FSTL4: variants seen among roughly 807,000 people sequenced by gnomAD.
The protein encoded by FSTL4 is follistatin like 4.
A neutral mutation model predicts 78.2 loss-of-function variants in FSTL4; 28 were observed. The ratio of observed to expected loss-of-function variants is 0.36; its 90% CI spans 0.27 to 0.49. The LOEUF (loss-of-function observed/expected upper bound fraction) is 0.49, where lower values mean the gene tolerates loss of function less well. Among genes scored for constraint, FSTL4 ranks in the 20% least tolerant of loss-of-function variants. The pLI is 0.98. For synonymous variants in FSTL4, 422 were observed against 440.5 expected, an observed-to-expected ratio of 0.96 and a Z score of 0.53; for missense variants, 922 against 1,084.9, an observed-to-expected ratio of 0.85 and a Z score of 2.11.
chr5:133,268,306 G>A (rs533908062), intron 6 of FSTL4, among the ~76,000 whole-genome samples: 2 of 152,246 alleles, frequency 1.3e-5, no homozygotes, highest in East Asian at 3.9e-4. Context: ...CTTTGGGTCC[G>A]GTCAACTTTG....
intron 3 of FSTL4, among the ~76,000 whole-genome samples, chr5:133,511,122 G>T (rs1380466327): frequency 6.6e-6 from 1 of 152,228 alleles, no homozygotes. Flanking sequence ...GCCTTCAAGG[G>T]CACCCCAAGC....
chr5:133,496,348 G>T (rs911611598), intron 3 of FSTL4, among the ~76,000 whole-genome samples: 4 of 152,176 alleles, frequency 2.6e-5, no homozygotes, highest in South Asian at 2.1e-4. Context: ...GCCCAATTCC[G>T]TGGTCTGACA....
the FSTL4 span, among the ~76,000 whole-genome samples, chr5:133,799,070 G>A: frequency 7.8e-6 from 1 of 128,754 alleles, no homozygotes; most frequent in Non-Finnish European, 1.7e-5. Context: ...GAGGTGGGGA[G>A]GAAAGGAAAG....
chr5:133,464,453 G>GCT (rs1310172172), intron 3 of FSTL4, among the ~76,000 whole-genome samples: 7 of 152,166 alleles, frequency 4.6e-5, no homozygotes, highest in African/African-American at 1.7e-4. Flanking sequence ...TTGTTCAAGG[G>GCT]ATATCTCTCT....
In FSTL4 at chr5:133,453,055, A is replaced by AAATG. The variant is rs542421324; in HGVS notation, c.161-52073_161-52070dup. On this transcript the variant is annotated intron_variant, in intron 3 of 15. Transcript: ENST00000265342. ...AATGCCTGTGCACATACAGGCTCAA[A>AAATG]AATGAATGAATGAATGAATGAATGA... 6.5e-4 allele frequency among the ~76,000 whole-genome samples: 99 copies of AAATG among 152,286 alleles called. No individual in the cohort carries two copies. The East Asian group carries it at 0.011, about 17-fold the overall frequency.
chr5:133,237,472 G>T (rs1751696305), intron 7 of FSTL4, among the ~76,000 whole-genome samples: 1 of 152,192 alleles, frequency 6.6e-6, no homozygotes, highest in Non-Finnish European at 1.5e-5. Context: ...AGGGGTGTGT[G>T]TGTCAGCCCT....
chr5:133,630,225 C>T, the FSTL4 span, among the ~76,000 whole-genome samples: 1 of 152,280 alleles, frequency 6.6e-6, no homozygotes, highest in African/African-American at 2.4e-5. Flanking sequence ...TTGCAGATGA[C>T]ATGATTGTAT....
At chr5:133,697,331 G>A in the FSTL4 span, among the ~76,000 whole-genome samples, 34 of 152,004 alleles carry the variant, frequency 2.2e-4, no homozygotes, top group African/African-American at 4.8e-4. Flanking sequence ...CCAATTCAGC[G>A]CCCACTCTCC....
At chr5:133,685,045 G>A in the FSTL4 span, among the ~76,000 whole-genome samples, 117 of 152,250 alleles carry the variant, frequency 7.7e-4, no homozygotes, top group African/African-American at 2.6e-3. Flanking sequence ...TGGTAGCATC[G>A]AACTCTAGAC....
chr5:133,274,376 T>A (rs939656123), intron 6 of FSTL4, among the ~76,000 whole-genome samples: 1 of 134,970 alleles, frequency 7.4e-6, no homozygotes, highest in Admixed American at 8.1e-5. Flanking sequence ...AAGGGCAATC[T>A]GTGCTTTTTT....
the FSTL4 span, among the ~76,000 whole-genome samples, chr5:133,661,001 G>T: frequency 9.0e-4 from 136 of 151,954 alleles, 3 homozygotes; most frequent in South Asian, 0.027. Flanking sequence ...TTTTACTTTT[G>T]TTTTTTTGAG....
At chr5:133,257,931 A>G (rs913002488) in intron 6 of FSTL4, among the ~76,000 whole-genome samples, 1 of 152,248 alleles carries the variant, frequency 6.6e-6, no homozygotes, top group Non-Finnish European at 1.5e-5. Context: ...AAAAGAATGT[A>G]TTACCTTATG....
intron 4 of FSTL4, among the ~76,000 whole-genome samples, chr5:133,372,245 C>CTATGTATCTATGTATCTATGTATG (rs757202475): frequency 7.1e-5 from 10 of 140,220 alleles, no homozygotes; most frequent in Admixed American, 3.6e-4. Flanking sequence ...ATCTATGTAT[C>CTATGTATCTATGTATCTATGTATG]TATGTATGTA....
At chr5:133,758,016 A>C in the FSTL4 span, among the ~76,000 whole-genome samples, 1 of 152,218 alleles carries the variant, frequency 6.6e-6, no homozygotes, top group African/African-American at 2.4e-5. Context: ...CAGTTTGGTT[A>C]CTTTGAGTCA....
chr5:133,210,204 C>G lies in FSTL4; in HGVS notation c.1703G>C (p.Arg568Pro). ...TGCTCAACATACCTGGAGACTTGGT[C>G]GGGACTTGTGCACGTCCCCCCAGCT... Reference protein sequence around the residue: ...VLSWGDVHKSRPSLQVITEAS... With the variant: ...VLSWGDVHKSPPSLQVITEAS... The change falls in exon 14 of 16, where the codon CGA becomes CCA. Residue 568 changes from arginine to proline, a missense_variant. By Grantham distance (103) the Arg-to-Pro change is moderately radical (BLOSUM62 -2). Transcript: ENST00000265342. 6.3e-7 allele frequency: 1 copy of G among 1,590,860 alleles called. No homozygotes were observed. Among genetic ancestry groups the G allele is most frequent in the Non-Finnish European group, 8.6e-7 (1 of 1,158,960 alleles).
chr5:133,349,976 C>T (rs1263728289), intron 4 of FSTL4, among the ~76,000 whole-genome samples: 27 of 113,556 alleles, frequency 2.4e-4, no homozygotes, highest in African/African-American at 5.9e-4. Flanking sequence ...GGCTGCCATG[C>T]GACTGTAAAG....
chr5:133,491,682 A>G (rs111935548), intron 3 of FSTL4, among the ~76,000 whole-genome samples: 1,889 of 152,196 alleles, frequency 0.012, 39 homozygotes, highest in African/African-American at 0.044. Flanking sequence ...GATTACAGGC[A>G]TGAGCCACTG....
chr5:133,330,193 T>C (rs1267894691), intron 4 of FSTL4, among the ~76,000 whole-genome samples: 1 of 152,240 alleles, frequency 6.6e-6, no homozygotes, highest in African/African-American at 2.4e-5. Context: ...GTTTATTTTA[T>C]GCTCATCACT....
At chr5:133,313,634 G>A (rs147675599) in intron 5 of FSTL4, among the ~76,000 whole-genome samples, 8 of 151,918 alleles carry the variant, frequency 5.3e-5, no homozygotes, top group Non-Finnish European at 7.4e-5. Context: ...ATTTTGGTGT[G>A]GGGGGAGGGG....
Sources: allele counts gnomAD v4.1 joint callset (sites outside exome capture counted in the v4.1 genomes callset), GRCh38; gene constraint gnomAD v4.1.1; transcripts MANE v1.5; gene names NCBI Gene and HGNC (gene_info 2026-07-23, HGNC 2026-07-21).